The following HSP90AB1 variants were observed in gnomAD, a reference collection of about 807,000 sequenced individuals.
HSP90AB1 encodes the protein heat shock protein 90 alpha family class B member 1.
HSP90AB1 carries 17 observed loss-of-function variants against 67.8 expected under a neutral mutation model. The observed-to-expected ratio is 0.25, with a 90% CI of 0.17 to 0.38. HSP90AB1 has a LOEUF of 0.38. Ranked by LOEUF, HSP90AB1 falls within the 10% of genes least tolerant of loss-of-function variation. The pLI is 1.00. For missense variants in HSP90AB1, 690 were observed against 899.9 expected, an observed-to-expected ratio of 0.77 and a Z score of 2.98; for synonymous variants, 390 against 312.9, an observed-to-expected ratio of 1.25 and a Z score of -2.60.
At chr6:44,246,929 G>A (rs560022466), upstream of HSP90AB1, among the ~76,000 whole-genome samples, 1 of 152,320 alleles carries the variant, frequency 6.6e-6, no homozygotes, top group Admixed American at 6.5e-5. Context: ...GGGCGGATCC[G>A]TTGCTTGGGT....
chr6:44,249,418 G>C lies in HSP90AB1; in HGVS notation c.189G>C (p.Ser63=). 6.2e-7 allele frequency: 1 copy of C among 1,613,998 alleles called. No homozygotes were observed. Among genetic ancestry groups the C allele is most frequent in the Non-Finnish European group, 8.5e-7 (1 of 1,179,880 alleles). The change falls in exon 3 of 12, where the codon TCG becomes TCC. Residue 63 remains serine, a synonymous_variant. Transcript: ENST00000371646. ...KIRYESLTDP[S]KLDSGKELKI... ...GCTATGAGAGCCTGACAGACCCTTC[G>C]AAGTTGGACAGTGGTAAAGAGCTGA... is the stretch of plus-strand genomic sequence containing the variant.
upstream of HSP90AB1, chr6:44,246,330 G>C (rs961072186): frequency 6.6e-6 from 1 of 152,188 alleles, no homozygotes; most frequent in Non-Finnish European, 1.5e-5. Flanking sequence ...GCTGGTACCC[G>C]CGTCTCTCGG....
intron 8 of HSP90AB1, 52 bp downstream of exon 8, chr6:44,251,660 A>G (rs1306607143): frequency 2.5e-6 from 4 of 1,589,342 alleles, no homozygotes; most frequent in South Asian, 2.3e-5. Context: ...AGTAATAACA[A>G]TAAATTATTC....
At chr6:44,252,711 T>TG (rs1780842044) in intron 10 of HSP90AB1, among the ~76,000 whole-genome samples, 1 of 152,122 alleles carries the variant, frequency 6.6e-6, no homozygotes, top group South Asian at 2.1e-4. Flanking sequence ...TTAGCCAGGA[T>TG]GGTCTCCATC....
chr6:44,252,690 G>T (rs549955345), intron 10 of HSP90AB1, among the ~76,000 whole-genome samples: 21 of 152,098 alleles, frequency 1.4e-4, no homozygotes, highest in African/African-American at 4.8e-4. Flanking sequence ...TAGAGATGGG[G>T]TTTCATCGCG....
Position 44,251,495 on chromosome 6 carries a change from T to C in HSP90AB1, c.1201T>C (p.Leu401=), listed in dbSNP as rs1582986088. ...AGAAATGCTCCAGCAGAGCAAAATC[T>C]TGAAAGTCATTCGCAAAAACATTGT... ...SREMLQQSKI[L]KVIRKNIVKK... is the part of the protein sequence containing the mutation. The change falls in exon 8 of 12, where the codon TTG becomes CTG. Residue 401 remains leucine (L), a synonymous_variant. Transcript: ENST00000371646. 3.1e-6 allele frequency: 5 copies of C among 1,612,186 alleles called. No individual in the cohort carries two copies. The highest frequency in any genetic ancestry group is 4.2e-6 in the Non-Finnish European group (5 of 1,178,528).
chr6:44,250,750 A>G, intron 6 of HSP90AB1, 151 bp downstream of exon 6: 3 of 638,404 alleles, frequency 4.7e-6, no homozygotes, highest in Non-Finnish European at 5.6e-6. Context: ...TTACCCTGTC[A>G]TAGTGAAGTG....
chr6:44,253,467 A>C, intron 11 of HSP90AB1, 22 bp from the exon 12 acceptor site: 2 of 1,610,652 alleles, frequency 1.2e-6, no homozygotes, highest in Non-Finnish European at 1.7e-6. Context: ...GTCAAGTCTC[A>C]CATGGCTTAA....
Position 44,251,456 on chromosome 6 carries a change from C to T in HSP90AB1, c.1162C>T (p.Leu388=), listed in dbSNP as rs1013370391. Residue 388 remains leucine (L), a synonymous_variant, in exon 8 of 12, where the codon CTG becomes TTG. Coordinates refer to ENST00000371646, the MANE Select transcript of HSP90AB1 (RefSeq NM_007355.4). The part of the protein sequence containing the change: ...RGVVDSEDLP[L]NISREMLQQS... The stretch of plus-strand genomic sequence containing the variant: ...TGTGGTTGACTCTGAGGATCTGCCC[C>T]TGAACATCTCCCGAGAAATGCTCCA... 5.0e-6 allele frequency: 8 copies of T among 1,609,052 alleles called. No individual in the cohort carries two copies. The highest frequency in any genetic ancestry group is 1.3e-5 in the African/African-American group (1 of 74,698).
At position 44,250,111 on chromosome 6, in the gene HSP90AB1, T is replaced by C. The variant is rs772390414; in HGVS notation, c.605T>C (p.Val202Ala). 6.2e-7 allele frequency: 1 copy of C among 1,614,036 alleles called. No homozygotes were observed. The highest frequency in any genetic ancestry group is 1.3e-5 in the African/African-American group (1 of 74,904). ...GAAGAGAGGCGGGTCAAAGAAGTAG[T>C]GAAGAAGCATTCTCAGTTCATAGGC... Reference protein sequence around the residue: ...YLEERRVKEVVKKHSQFIGYP... With the variant: ...YLEERRVKEVAKKHSQFIGYP... Residue 202 changes from valine (V) to alanine (A), a missense_variant, in exon 5 of 12, where the codon GTG becomes GCG. Physicochemically the swap from Val to Ala is moderately conservative, Grantham distance 64. This residue lies in a region of HSP90AB1 where 146 missense variants were observed against 143.7 expected (regional missense o/e 1.02). Coordinates refer to ENST00000371646, the MANE Select transcript of HSP90AB1 (RefSeq NM_007355.4).
In HSP90AB1 at chr6:44,251,426, C is replaced by T. The variant is rs752103377; in HGVS notation, c.1132C>T (p.Arg378Cys). Residue 378 changes from arginine to cysteine, a missense_variant, in exon 8 of 12, where the codon CGT (arginine) becomes TGT (cysteine). Physicochemically the swap from Arg to Cys is radical, Grantham distance 180. Transcript: ENST00000371646. ...ACCCTGGTTGATGGCAGATTTTATC[C>T]GTGGTGTGGTTGACTCTGAGGATCT... ...ELIPEYLNFI[R>C]GVVDSEDLPL... The T allele has an allele frequency of 8.1e-6, 13 of 1,600,126 alleles. No individual in the cohort carries two copies. The highest frequency in any genetic ancestry group is 4.5e-5 in the East Asian group (2 of 44,646).
In HSP90AB1 at chr6:44,253,426, C is replaced by T. The variant is rs762536685; in HGVS notation, c.2065+48C>T. On this transcript the variant is annotated intron_variant, in intron 11 of 11. Coordinates refer to ENST00000371646, the MANE Select transcript of HSP90AB1 (RefSeq NM_007355.4). ...GTGGCAAGGAGTTTGTGCAACTCGT[C>T]TCCTCTATGGATTTGACTTAATGCT... is the stretch of plus-strand genomic sequence containing the variant. The T allele has an allele frequency of 2.0e-5, 32 of 1,601,518 alleles. No individual in the cohort carries two copies. In the East Asian group the frequency reaches 5.4e-4, roughly 27 times the overall value.
chr6:44,251,595 C>CT lies in HSP90AB1; in HGVS notation c.1302dup (p.Lys435Ter). The CT allele has an allele frequency of 1.2e-6, 2 of 1,602,456 alleles. No homozygotes were observed. The highest frequency in any genetic ancestry group is 1.7e-6 in the Non-Finnish European group (2 of 1,172,794). On this transcript the variant is annotated frameshift_variant, in exon 8 of 12. Coordinates refer to ENST00000371646, the MANE Select transcript of HSP90AB1 (RefSeq NM_007355.4). LOFTEE classifies it high-confidence loss of function. ...TACAAGAAATTCTATGAGGCATTCTCTAAAAATCTCAAGGTAAAAAGGCAA... is the reference window on the plus strand; with the variant it reads ...TACAAGAAATTCTATGAGGCATTCTCTTAAAAATCTCAAGGTAAAAAGGCAA...
In HSP90AB1 at chr6:44,250,192, C is replaced by T. The variant is rs758833142; in HGVS notation, c.648+38C>T. Reference sequence around the variant, plus strand: ...TTTTAAATCTTTTACACTTAACGTGCAGGATGTTTCCTGTTCTGGAGAATC... The same window carrying T: ...TTTTAAATCTTTTACACTTAACGTGTAGGATGTTTCCTGTTCTGGAGAATC... On this transcript the variant is annotated intron_variant, in intron 5 of 11. Transcript: ENST00000371646. 18 of 1,613,406 alleles carry T rather than the reference C, an allele frequency of 1.1e-5. No individual in the cohort carries two copies. In the South Asian group the frequency reaches 1.6e-4, roughly 15 times the overall value.
chr6:44,246,811 C>T (rs925071077), upstream of HSP90AB1, among the ~76,000 whole-genome samples: 4 of 152,190 alleles, frequency 2.6e-5, no homozygotes, highest in Non-Finnish European at 2.9e-5. Context: ...GTGGGTTCCT[C>T]GCCCGTAGAG....
At chr6:44,252,574 C>T (rs1352300319) in intron 10 of HSP90AB1, among the ~76,000 whole-genome samples, 1 of 152,120 alleles carries the variant, frequency 6.6e-6, no homozygotes, top group African/African-American at 2.4e-5. Flanking sequence ...CTGCTCATTG[C>T]AAGCTCCGCC....
chr6:44,251,453 C>G lies in HSP90AB1; in HGVS notation c.1159C>G (p.Pro387Ala). 1 of 1,608,700 alleles carries G rather than the reference C, an allele frequency of 6.2e-7. No homozygotes were observed. Among genetic ancestry groups the G allele is most frequent in the Non-Finnish European group, 8.5e-7 (1 of 1,176,924 alleles). Residue 387 changes from proline to alanine, a missense_variant, in exon 8 of 12, where the codon CCC becomes GCC. Physicochemically the swap from Pro to Ala is conservative, Grantham distance 27. Coordinates refer to ENST00000371646, the MANE Select transcript of HSP90AB1 (RefSeq NM_007355.4). The stretch of plus-strand genomic sequence containing the variant: ...TGGTGTGGTTGACTCTGAGGATCTG[C>G]CCCTGAACATCTCCCGAGAAATGCT... ...IRGVVDSEDL[P>A]LNISREMLQQ...
chr6:44,248,720 A>G lies in HSP90AB1; in HGVS notation c.91A>G (p.Thr31Ala). Residue 31 changes from threonine (T) to alanine (A), a missense_variant, in exon 2 of 12, where the codon ACC (threonine) becomes GCC (alanine). By Grantham distance (58) the Thr-to-Ala change is moderately conservative. Transcript: ENST00000371646. Reference sequence around the variant, plus strand: ...CCAACTCATGTCCCTCATCATCAATACCTTCTATTCCAACAAGGAGATTTT... The same window carrying G: ...CCAACTCATGTCCCTCATCATCAATGCCTTCTATTCCAACAAGGAGATTTT... ...IAQLMSLIIN[T>A]FYSNKEIFLR... 4 of 1,613,822 alleles carry G rather than the reference A, an allele frequency of 2.5e-6. No homozygotes were observed. Among genetic ancestry groups the G allele is most frequent in the Non-Finnish European group, 2.5e-6 (3 of 1,179,750 alleles).
In HSP90AB1 at chr6:44,253,335, G is replaced by C. The variant is rs112996495; in HGVS notation, c.2022G>C (p.Gln674His). 5 of 1,614,194 alleles carry C rather than the reference G, an allele frequency of 3.1e-6. No homozygotes were observed. Among genetic ancestry groups the C allele is most frequent in the Non-Finnish European group, 8.5e-7 (1 of 1,180,028 alleles). Reference sequence around the variant, plus strand: ...CTGGCTTTTCCCTTGAGGATCCCCAGACCCACTCCAACCGCATCTATCGCA... The same window carrying C: ...CTGGCTTTTCCCTTGAGGATCCCCACACCCACTCCAACCGCATCTATCGCA... The part of the protein sequence containing the change: ...LSSGFSLEDP[Q>H]THSNRIYRMI... The change falls in exon 11 of 12, where the codon CAG becomes CAC. Residue 674 changes from glutamine (Q) to histidine (H), a missense_variant. By Grantham distance (24) the Gln-to-His change is conservative. This residue lies in a region of HSP90AB1 where 120 missense variants were observed against 153.5 expected (regional missense o/e 0.78). Transcript: ENST00000371646.
Sources: allele counts gnomAD v4.1 joint callset (sites outside exome capture counted in the v4.1 genomes callset), GRCh38; gene constraint gnomAD v4.1.1; regional missense constraint gnomAD v4.1.1; transcripts MANE v1.5; gene names NCBI Gene and HGNC (gene_info 2026-07-23, HGNC 2026-07-21).